MAP3K13: variants seen among roughly 807,000 people sequenced by gnomAD.
The protein encoded by MAP3K13 is leucine zipper-bearing kinase.
Under a neutral mutation model 104.0 loss-of-function variants are expected in MAP3K13, and 52 were observed. The observed-to-expected ratio is 0.50, with a 90% CI of 0.40 to 0.63. The LOEUF is 0.63. MAP3K13 is among the 20% of genes least tolerant of loss of function. The pLI, the probability that MAP3K13 is intolerant of heterozygous loss-of-function variation, is 0.00. For missense variants in MAP3K13, 914 were observed against 1,218.5 expected, an observed-to-expected ratio of 0.75 and a Z score of 3.72; for synonymous variants, 394 against 442.2, an observed-to-expected ratio of 0.89 and a Z score of 1.37.
In MAP3K13 at chr3:185,482,720, G is replaced by T; in HGVS notation, c.*264G>T. On this transcript the variant is annotated 3_prime_UTR_variant, in exon 14 of 14. Transcript: ENST00000265026. The surrounding 1 kb of genome is among the most constrained non-coding windows in gnomAD (Gnocchi z 4.5). ...TATTTTATTGAATATTCTAGCTACT[G>T]TAACATTGATATTTATTTTTGTTTG... is the stretch of plus-strand genomic sequence containing the variant. 1 of 358,966 alleles carries T rather than the reference G, an allele frequency of 2.8e-6. No homozygotes were observed. 22.2% of individuals were successfully genotyped at this position (358,966 alleles called of 1,614,324 possible).
At chr3:185,343,251 G>A (rs1177948215) in intron 2 of MAP3K13, among the ~76,000 whole-genome samples, 2 of 152,148 alleles carry the variant, frequency 1.3e-5, no homozygotes, top group South Asian at 4.1e-4. Context: ...ACAAGGGTGT[G>A]AACACGAGAA....
chr3:185,464,453 T>C (rs533164566), intron 8 of MAP3K13, among the ~76,000 whole-genome samples: 9 of 152,272 alleles, frequency 5.9e-5, no homozygotes, highest in Non-Finnish European at 1.3e-4. Flanking sequence ...CATGCTGTTT[T>C]TGTGATAATG....
chr3:185,397,543 A>T (rs1364193806), intron 1 of MAP3K13, among the ~76,000 whole-genome samples: 1 of 152,254 alleles, frequency 6.6e-6, no homozygotes, highest in Non-Finnish European at 1.5e-5. Flanking sequence ...GAAAATACTT[A>T]TGTTGCTCTA....
At chr3:185,284,058 C>T (rs1282847004) in intron 1 of MAP3K13, among the ~76,000 whole-genome samples, 1 of 151,910 alleles carries the variant, frequency 6.6e-6, no homozygotes, top group Non-Finnish European at 1.5e-5. Flanking sequence ...GCCACCACCC[C>T]CAGCTAATTT....
chr3:185,412,849 A>G (rs1044700277), intron 1 of MAP3K13, among the ~76,000 whole-genome samples: 2 of 152,154 alleles, frequency 1.3e-5, no homozygotes, highest in African/African-American at 4.8e-5. Flanking sequence ...GAAGTGACAC[A>G]TACTTCTGGT....
intron 2 of MAP3K13, among the ~76,000 whole-genome samples, chr3:185,304,297 G>A (rs1240779309): frequency 6.6e-6 from 1 of 152,120 alleles, no homozygotes; most frequent in Non-Finnish European, 1.5e-5. Context: ...CTGCTGTTGT[G>A]GAGTAGAATA....
rs144730354 is a variant in MAP3K13 at position 185,428,483 on chromosome 3, C to T, written c.-85-14C>T. On this transcript the variant is annotated splice_polypyrimidine_tract_variant and intron_variant, in intron 1 of 13. Coordinates refer to ENST00000265026, the MANE Select transcript of MAP3K13 (RefSeq NM_004721.5). ...AGAAAGGATGATCTCTTATCTCCCT[C>T]CTGTTTTTCTCAGGTTTTGGAGCCC... The T allele has an allele frequency of 1.1e-5, 16 of 1,461,344 alleles. No homozygotes were observed. In the East Asian group the frequency reaches 3.7e-4, roughly 34 times the overall value. 90.5% of individuals were successfully genotyped at this position (1,461,344 alleles called of 1,614,324 possible). A position where few individuals can be genotyped will look rare whatever the true frequency, so the allele number is the denominator to read the frequency against.
At chr3:185,378,394 T>C (rs1055791403) in intron 1 of MAP3K13, among the ~76,000 whole-genome samples, 4 of 151,996 alleles carry the variant, frequency 2.6e-5, no homozygotes, top group African/African-American at 9.7e-5. Flanking sequence ...GCTATCTGAT[T>C]TGGGATAAAG....
chr3:185,480,671 G>T, intron 13 of MAP3K13, 142 bp downstream of exon 13: 4 of 846,534 alleles, frequency 4.7e-6, no homozygotes, highest in Middle Eastern at 7.1e-4. Flanking sequence ...CTGCTATAAA[G>T]AACTACCTGA....
At chr3:185,287,925 T>A (rs1720586470) in intron 2 of MAP3K13, among the ~76,000 whole-genome samples, 1 of 152,154 alleles carries the variant, frequency 6.6e-6, no homozygotes, top group African/African-American at 2.4e-5. Context: ...TAATCCCAGC[T>A]ACTTGGGAGG....
chr3:185,385,466 C>A (rs148055975), intron 1 of MAP3K13, among the ~76,000 whole-genome samples: 7 of 152,132 alleles, frequency 4.6e-5, no homozygotes, highest in African/African-American at 4.8e-5. Context: ...AACCACCATG[C>A]CTGGCTGAAT....
upstream of MAP3K13, among the ~76,000 whole-genome samples, chr3:185,360,168 C>T (rs1055090080): frequency 6.6e-6 from 1 of 152,098 alleles, no homozygotes; most frequent in Non-Finnish European, 1.5e-5. Flanking sequence ...ACTTAGTATG[C>T]CCATGTGCTG....
Position 185,422,208 on chromosome 3 carries a change from G to A in MAP3K13, c.-85-6289G>A, listed in dbSNP as rs1352964148. On this transcript the variant is annotated intron_variant, in intron 1 of 13. Transcript: ENST00000265026. ...GGACTTGCTATTGTTTTTGTCATCAGTGGCCATGATACCACGGCTATTTGT... is the reference window on the plus strand; with the variant it reads ...GGACTTGCTATTGTTTTTGTCATCAATGGCCATGATACCACGGCTATTTGT... Among the ~76,000 whole-genome samples the A allele has an allele frequency of 2.0e-5, 3 of 152,156 alleles. No homozygotes were observed. In the East Asian group the frequency reaches 5.8e-4, roughly 29 times the overall value.
chr3:185,323,171 A>G (rs923690798), intron 2 of MAP3K13, among the ~76,000 whole-genome samples: 2 of 152,222 alleles, frequency 1.3e-5, no homozygotes, highest in East Asian at 1.9e-4. Flanking sequence ...TGATGTTAAC[A>G]TCTTACATAA....
rs1717243580 is a variant in MAP3K13 at position 185,463,648 on chromosome 3, A to G, written c.1377A>G (p.Arg459=). Residue 459 remains arginine (R), a synonymous_variant, in exon 8 of 14, where the codon AGA becomes AGG. Transcript: ENST00000265026. ...RLDEELIRRR[R]EELRHALDIR... is the part of the protein sequence containing the mutation. ...ATGAAGAACTGATTCGAAGGCGCAG[A>G]GAAGAGCTCAGGTCAGCTCATCCCT... 6.2e-7 allele frequency: 1 copy of G among 1,609,192 alleles called. No homozygotes were observed. Among genetic ancestry groups the G allele is most frequent in the South Asian group, 1.1e-5 (1 of 90,826 alleles).
At chr3:185,461,337 G>A (rs1717085619) in intron 7 of MAP3K13, among the ~76,000 whole-genome samples, 1 of 152,098 alleles carries the variant, frequency 6.6e-6, no homozygotes, top group Non-Finnish European at 1.5e-5. Flanking sequence ...TCTCTCCAGT[G>A]TTCAACCTAT....
intron 1 of MAP3K13, among the ~76,000 whole-genome samples, chr3:185,416,057 G>C (rs1713751904): frequency 6.6e-6 from 1 of 152,132 alleles, no homozygotes; most frequent in African/African-American, 2.4e-5. Context: ...GCATACATTT[G>C]GGATTTTTGT....
intron 1 of MAP3K13, among the ~76,000 whole-genome samples, chr3:185,380,784 T>C (rs1724679041): frequency 6.6e-6 from 1 of 152,156 alleles, no homozygotes; most frequent in Non-Finnish European, 1.5e-5. Context: ...CAAGTGATGC[T>C]AACGCTGCTG....
chr3:185,300,484 A>AT lies in MAP3K13; in HGVS notation c.-86+14851dup, dbSNP rs370835488. Among the ~76,000 whole-genome samples the AT allele has an allele frequency of 6.5e-3, 686 of 104,784 alleles. 3 individuals are homozygous for AT. Among genetic ancestry groups the AT allele is most frequent in the African/African-American group, 0.022 (613 of 27,334 alleles). 68.7% of individuals were successfully genotyped at this position (104,784 alleles called of 152,430 possible). A position where few individuals can be genotyped will look rare whatever the true frequency, so the allele number is the denominator to read the frequency against. On this transcript the variant is annotated intron_variant, in intron 2 of 14. Transcript: ENST00000424227. Reference sequence around the variant, plus strand: ...CCACCACGCCCGGCCCTATTTCCTTATTTTTTTTTTCTTTTTTTTCTTTTT... The same window carrying AT: ...CCACCACGCCCGGCCCTATTTCCTTATTTTTTTTTTTCTTTTTTTTCTTTTT...
Sources: allele counts gnomAD v4.1 joint callset (sites outside exome capture counted in the v4.1 genomes callset), GRCh38; gene constraint gnomAD v4.1.1; non-coding constraint Gnocchi (gnomAD v3.1); transcripts MANE v1.5; gene names NCBI Gene and HGNC (gene_info 2026-07-23, HGNC 2026-07-21).